Variants in LMO7 observed in about 807,000 individuals in gnomAD.
LMO7 encodes LIM domain 7.
Under a neutral mutation model 206.5 loss-of-function variants are expected in LMO7, and 120 were observed. That is an observed-to-expected ratio of 0.58 (90% confidence interval 0.50 to 0.68). The LOEUF is 0.68. Among genes scored for constraint, LMO7 ranks in the 30% least tolerant of loss-of-function variants. The pLI, the probability that LMO7 is intolerant of heterozygous loss-of-function variation, is 0.00. For missense variants in LMO7, 1,959 were observed against 1,957.9 expected, an observed-to-expected ratio of 1.00 and a Z score of -0.01; for synonymous variants, 706 against 681.5, an observed-to-expected ratio of 1.04 and a Z score of -0.56.
rs144388679 is a variant in LMO7, at chr13:75,719,688, C to T, written c.140+6436C>T. The stretch of plus-strand genomic sequence containing the variant: ...CGATTGTAAATTTCCTGAGGCCTCC[C>T]AGTCATGCCTCCTGTTAAGCCTGTG... On this transcript the variant is annotated intron_variant, in intron 2 of 30. Coordinates refer to ENST00000377534, the MANE Select transcript of LMO7 (RefSeq NM_001306080.2). Among the ~76,000 whole-genome samples, 1,043 of 152,298 alleles carry T rather than the reference C, an allele frequency of 6.8e-3. 18 individuals are homozygous for T. Among genetic ancestry groups the T allele is most frequent in the African/African-American group, 0.024 (981 of 41,548 alleles).
Position 75,839,947 on chromosome 13 carries a change from T to A in LMO7, c.3452-138T>A, listed in dbSNP as rs756217741. 5.5e-6 allele frequency: 4 copies of A among 727,858 alleles called. No individual in the cohort carries two copies. In the South Asian group the frequency reaches 7.8e-5, roughly 14 times the overall value. 45.1% of individuals were successfully genotyped at this position (727,858 alleles called of 1,614,324 possible). The stretch of plus-strand genomic sequence containing the variant: ...CCTGGAGAAAAAAGGATTTACTGAC[T>A]ATTGTTTAAAAAAACATTGTCACTT... On this transcript the variant is annotated intron_variant, in intron 20 of 30. Coordinates refer to ENST00000377534, the MANE Select transcript of LMO7 (RefSeq NM_001306080.2).
At chr13:75,783,522 C>G (rs2051896469) in intron 4 of LMO7, among the ~76,000 whole-genome samples, 2 of 152,158 alleles carry the variant, frequency 1.3e-5, no homozygotes, top group African/African-American at 4.8e-5. Context: ...GGGGTTTCAT[C>G]ATGTTGGCCA....
chr13:75,737,773 A>AAAG (rs2045996282), intron 3 of LMO7, among the ~76,000 whole-genome samples: 2 of 36,496 alleles, frequency 5.5e-5, no homozygotes, highest in Non-Finnish European at 9.3e-5. Flanking sequence ...AAAATAAAAT[A>AAAG]AAATAAAATA....
chr13:75,663,224 A>G (rs2038768297), intron 1 of LMO7, among the ~76,000 whole-genome samples: 1 of 151,184 alleles, frequency 6.6e-6, no homozygotes, highest in Non-Finnish European at 1.5e-5. Context: ...ATTTTTATCT[A>G]GTCTTTTTTT....
Position 75,839,928 on chromosome 13 carries a change from G to GA in LMO7, c.3452-151dup, listed in dbSNP as rs2059436857. On this transcript the variant is annotated intron_variant, in intron 20 of 30. Transcript: ENST00000377534. Reference sequence around the variant, plus strand: ...AACAGATGGAACTGTTACACCTGGAGAAAAAAGGATTTACTGACTATTGTT... The same window carrying GA: ...AACAGATGGAACTGTTACACCTGGAGAAAAAAAGGATTTACTGACTATTGTT... 4 of 632,024 alleles carry GA rather than the reference G, an allele frequency of 6.3e-6. No homozygotes were observed. In the South Asian group the frequency reaches 9.3e-5, roughly 15 times the overall value. 39.2% of individuals were successfully genotyped at this position (632,024 alleles called of 1,614,324 possible). A position where few individuals can be genotyped will look rare whatever the true frequency, so the allele number is the denominator to read the frequency against.
chr13:75,770,242 C>G (rs2049453013), intron 4 of LMO7, among the ~76,000 whole-genome samples: 1 of 151,374 alleles, frequency 6.6e-6, no homozygotes, highest in Admixed American at 6.6e-5. Flanking sequence ...GGAGTAGTAT[C>G]ATTAGATATA....
chr13:75,749,042 A>G (rs1287090651), intron 3 of LMO7, among the ~76,000 whole-genome samples: 6 of 152,076 alleles, frequency 3.9e-5, no homozygotes, highest in Admixed American at 2.0e-4. Context: ...CCTGGGCTCA[A>G]GCAATACTCC....
At chr13:75,835,447 T>A in intron 18 of LMO7, 108 bp downstream of exon 18, 3 of 642,034 alleles carry the variant, frequency 4.7e-6, no homozygotes, top group Non-Finnish European at 2.5e-6. Context: ...ATGCTAACTT[T>A]AAAATGTAAA....
intron 3 of LMO7, among the ~76,000 whole-genome samples, chr13:75,738,466 A>T (rs2046139497): frequency 6.6e-6 from 1 of 152,164 alleles, no homozygotes; most frequent in African/African-American, 2.4e-5. Context: ...TTTCTTTGGG[A>T]GGACAGTAAC....
chr13:75,771,912 T>A (rs2140060929), intron 4 of LMO7, among the ~76,000 whole-genome samples: 1 of 152,268 alleles, frequency 6.6e-6, no homozygotes, highest in South Asian at 2.1e-4. Context: ...GTAGCAATCC[T>A]GCTATCAGTG....
chr13:75,738,688 A>C (rs2046166057), intron 3 of LMO7, among the ~76,000 whole-genome samples: 1 of 152,228 alleles, frequency 6.6e-6, no homozygotes, highest in Admixed American at 6.5e-5. Flanking sequence ...ACTCAAAACC[A>C]AAACTTTATT....
chr13:75,823,867 A>T lies in LMO7; in HGVS notation c.2943A>T (p.Arg981Ser), dbSNP rs375417270. ...TCTCCCCACAAAGAGAAGTCTCAAG[A>T]TCCCAGGTGAGTTTGGAAAAGTTCT... ...GEISPQREVSRSQDQFSDMRI... is the reference protein window; with the variant it reads ...GEISPQREVSSSQDQFSDMRI... The change falls in exon 15 of 31, where the codon AGA becomes AGT. Residue 981 changes from arginine to serine, a missense_variant. Transcript: ENST00000377534. 1 of 1,612,872 alleles carries T rather than the reference A, an allele frequency of 6.2e-7. No individual in the cohort carries two copies. The highest frequency in any genetic ancestry group is 1.1e-5 in the South Asian group (1 of 91,038).
chr13:75,668,523 G>T (rs1261302781), intron 1 of LMO7, among the ~76,000 whole-genome samples: 1 of 152,082 alleles, frequency 6.6e-6, no homozygotes, highest in Non-Finnish European at 1.5e-5. Flanking sequence ...GAGAATTTTA[G>T]CCACTTAACA....
chr13:75,739,126 A>G (rs1011992337), intron 3 of LMO7, among the ~76,000 whole-genome samples: 2 of 152,238 alleles, frequency 1.3e-5, no homozygotes, highest in African/African-American at 4.8e-5. Flanking sequence ...CTACTGAGCT[A>G]AAGAATTAAG....
chr13:75,840,217 A>G, intron 21 of LMO7, 107 bp downstream of exon 21: 7 of 1,391,300 alleles, frequency 5.0e-6, no homozygotes, highest in Non-Finnish European at 6.1e-6. Context: ...AATTTATCAG[A>G]GAGTTATCCT....
chr13:75,822,142 A>AT (rs530458295), intron 14 of LMO7, among the ~76,000 whole-genome samples: 50 of 152,234 alleles, frequency 3.3e-4, no homozygotes, highest in East Asian at 3.3e-3. Flanking sequence ...ATATTGCAGC[A>AT]TTTTTTCTGA....
At chr13:75,827,391 A>G (rs1433822385) in intron 15 of LMO7, among the ~76,000 whole-genome samples, 2 of 152,196 alleles carry the variant, frequency 1.3e-5, no homozygotes, top group African/African-American at 2.4e-5. Context: ...CATTGCACTA[A>G]TAAGGTGGTG....
intron 19 of LMO7, among the ~76,000 whole-genome samples, chr13:75,837,081 A>G (rs2059189259): frequency 1.3e-5 from 2 of 152,064 alleles, no homozygotes; most frequent in African/African-American, 2.4e-5. Context: ...AGAAGACGAG[A>G]CCTCTTCTGC....
chr13:75,677,602 C>G (rs1318193128), intron 1 of LMO7, among the ~76,000 whole-genome samples: 2 of 150,322 alleles, frequency 1.3e-5, no homozygotes, highest in African/African-American at 4.9e-5. Flanking sequence ...AGCTAGATTT[C>G]TTGTGCGTCC....
Sources: allele counts gnomAD v4.1 joint callset (sites outside exome capture counted in the v4.1 genomes callset), GRCh38; gene constraint gnomAD v4.1.1; transcripts MANE v1.5; gene names NCBI Gene and HGNC (gene_info 2026-07-23, HGNC 2026-07-21).